The following ZNF592 variants were observed in gnomAD, a reference collection of about 807,000 sequenced individuals.
The protein encoded by ZNF592 is spinocerebellar ataxia, autosomal recessive 5.
ZNF592 carries 11 observed loss-of-function variants against 80.3 expected under a neutral mutation model. The observed-to-expected ratio is 0.14, with a 90% confidence interval of 0.09 to 0.23. The LOEUF (loss-of-function observed/expected upper bound fraction) is 0.23, where lower values mean the gene tolerates loss of function less well. Among genes scored for constraint, ZNF592 ranks in the 10% least tolerant of loss-of-function variants. The probability of loss-of-function intolerance (pLI) is 1.00; values close to 1 mark genes in which losing one functional copy is unlikely to be tolerated. For synonymous variants in ZNF592, 646 were observed against 640.3 expected (o/e 1.01, Z -0.13); for missense variants, 1,420 against 1,633.9 (o/e 0.87, Z 2.26).
At position 84,783,276 on chromosome 15, in the gene ZNF592, T is replaced by G; in HGVS notation, c.601T>G (p.Cys201Gly). The change falls in exon 4 of 11, where the codon TGT becomes GGT. Residue 201 changes from cysteine (C) to glycine (G), a missense_variant. Cys to Gly is a radical substitution (Grantham distance 159, BLOSUM62 -3). Transcript: ENST00000560079. This position sits in a 1 kb window ranked among gnomAD's most constrained non-coding sequence, Gnocchi z 5.0. ...AGAGCTGCATATGTTTGATCATTTT[T>G]GTAAGAAAGAACCCAAGCCAGAACC... ...VPELHMFDHF[C>G]KKEPKPEPLP... is the part of the protein sequence containing the mutation. 1 of 1,614,196 alleles carries G rather than the reference T, an allele frequency of 6.2e-7. No homozygotes were observed. The highest frequency in any genetic ancestry group is 1.1e-5 in the South Asian group (1 of 91,082).
intron 1 of ZNF592, among the ~76,000 whole-genome samples, chr15:84,750,746 A>G (rs964120923): frequency 1.3e-5 from 2 of 152,104 alleles, no homozygotes; most frequent in African/African-American, 2.4e-5. Flanking sequence ...CCAAGATCTG[A>G]AGGAGGGTTA....
At chr15:84,753,629 C>G (rs1899078635) in intron 1 of ZNF592, 1 of 152,164 alleles carries the variant, frequency 6.6e-6, no homozygotes, top group African/African-American at 2.4e-5. Flanking sequence ...TGCGCCACCA[C>G]ACCCAGCTAA....
At chr15:84,801,373 A>T (rs764995812) in intron 10 of ZNF592, among the ~76,000 whole-genome samples, 17 of 152,076 alleles carry the variant, frequency 1.1e-4, no homozygotes, top group Non-Finnish European at 1.9e-4. Flanking sequence ...GGTGATGTTC[A>T]CTTGTAGTCC....
chr15:84,783,310 T>C lies in ZNF592; in HGVS notation c.635T>C (p.Leu212Ser), dbSNP rs1178965466. Reference protein sequence around the residue: ...KKEPKPEPLPLGSQQEHEQSG... With the variant: ...KKEPKPEPLPSGSQQEHEQSG... The stretch of plus-strand genomic sequence containing the variant: ...GAACCCAAGCCAGAACCCCTGCCCT[T>C]GGGGAGCCAGCAGGAACACGAGCAA... Residue 212 changes from leucine to serine, a missense_variant, in exon 4 of 11, where the codon TTG (leucine) becomes TCG (serine). Coordinates refer to ENST00000560079, the MANE Select transcript of ZNF592 (RefSeq NM_014630.3). The surrounding 1 kb of genome is among the most constrained non-coding windows in gnomAD (Gnocchi z 5.0). 1.9e-6 allele frequency: 3 copies of C among 1,614,202 alleles called. No individual in the cohort carries two copies. Among genetic ancestry groups the C allele is most frequent in the South Asian group, 2.2e-5 (2 of 91,086 alleles).
At position 84,804,708 on chromosome 15, in the gene ZNF592, G is replaced by T. The variant is rs1175213227; in HGVS notation, c.*2315G>T. On this transcript the variant is annotated 3_prime_UTR_variant, in exon 11 of 11. Coordinates refer to ENST00000560079, the MANE Select transcript of ZNF592 (RefSeq NM_014630.3). ...TTTACTTGACCTTAGGGCATGGAGG[G>T]TGGAGCACATTTTGTCTGCTGTTTG... 6.6e-6 allele frequency: 1 copy of T among 152,246 alleles called. No homozygotes were observed. The highest frequency in any genetic ancestry group is 1.5e-5 in the Non-Finnish European group (1 of 68,060). The allele number at this position is 152,246 out of a possible 1,614,324, so 9.4% of individuals were successfully genotyped here.
At chr15:84,749,411 T>C (rs1412233861) in intron 1 of ZNF592, among the ~76,000 whole-genome samples, 1 of 152,168 alleles carries the variant, frequency 6.6e-6, no homozygotes, top group Non-Finnish European at 1.5e-5. Flanking sequence ...CCGTATGACC[T>C]TAGGTATGCC....
At position 84,798,144 on chromosome 15, in the gene ZNF592, A is replaced by C; in HGVS notation, c.2576+99A>C. On this transcript the variant is annotated intron_variant, in intron 6 of 10. Coordinates refer to ENST00000560079, the MANE Select transcript of ZNF592 (RefSeq NM_014630.3). The surrounding 1 kb of genome is among the most constrained non-coding windows in gnomAD (Gnocchi z 4.5). ...AGGGATGGGTGAGGGAGCTGGGGTT[A>C]GTGGCAGAGGTGCCTGGGGTCGTAC... is the stretch of plus-strand genomic sequence containing the variant. 1.3e-6 allele frequency: 2 copies of C among 1,572,036 alleles called. No individual in the cohort carries two copies. Among genetic ancestry groups the C allele is most frequent in the South Asian group, 1.1e-5 (1 of 89,560 alleles).
chr15:84,772,962 A>C (rs1010980572), intron 2 of ZNF592, among the ~76,000 whole-genome samples: 1 of 152,206 alleles, frequency 6.6e-6, no homozygotes, highest in Non-Finnish European at 1.5e-5. Flanking sequence ...TTGCTGAGGT[A>C]ACAGATGGCA....
At chr15:84,756,225 T>A (rs1899165625) in intron 1 of ZNF592, among the ~76,000 whole-genome samples, 1 of 152,230 alleles carries the variant, frequency 6.6e-6, no homozygotes, top group African/African-American at 2.4e-5. Flanking sequence ...GGAGGGCTGC[T>A]CCTTACAGCT....
intron 5 of ZNF592, among the ~76,000 whole-genome samples, chr15:84,795,162 C>G (rs1275745773): frequency 6.6e-6 from 1 of 151,594 alleles, no homozygotes; most frequent in Non-Finnish European, 1.5e-5. Flanking sequence ...TTATTCTGTT[C>G]TTTATTAATA....
chr15:84,799,851 A>G lies in ZNF592; in HGVS notation c.3147A>G (p.Thr1049=). The G allele has an allele frequency of 1.2e-6, 2 of 1,614,146 alleles. No individual in the cohort carries two copies. The highest frequency in any genetic ancestry group is 8.5e-7 in the Non-Finnish European group (1 of 1,180,036). Residue 1049 remains threonine, a synonymous_variant, in exon 10 of 11, where the codon ACA becomes ACG. Coordinates refer to ENST00000560079, the MANE Select transcript of ZNF592 (RefSeq NM_014630.3). The surrounding 1 kb of genome is among the most constrained non-coding windows in gnomAD (Gnocchi z 4.2). Reference sequence around the variant, plus strand: ...CGCTGTGCTTCTGCAGGTACTGCACAGAGGACAGCCCCAGCTTTCCTCGGC... The same window carrying G: ...CGCTGTGCTTCTGCAGGTACTGCACGGAGGACAGCCCCAGCTTTCCTCGGC... ...VKKFYTCGYC[T]EDSPSFPRPS...
chr15:84,798,834 C>T lies in ZNF592; in HGVS notation c.2983C>T (p.Arg995Trp), dbSNP rs373341024. ...GGAGTGCCAGGAGTGGGTTCCAGAT[C>T]GGGAGAGCTACGTGTCCCACATGAA... ...CQECQEWVPD[R>W]ESYVSHMKKS... is the part of the protein sequence containing the mutation. The change falls in exon 8 of 11, where the codon CGG becomes TGG. Residue 995 changes from arginine to tryptophan, a missense_variant. By Grantham distance (101) the Arg-to-Trp change is moderately radical. Around this residue, in one of 7 missense-constraint regions of ZNF592, gnomAD observed 331 missense variants for 347.0 expected, o/e 0.95. Coordinates refer to ENST00000560079, the MANE Select transcript of ZNF592 (RefSeq NM_014630.3). This position sits in a 1 kb window ranked among gnomAD's most constrained non-coding sequence, Gnocchi z 4.5. The T allele has an allele frequency of 3.8e-6, 6 of 1,599,548 alleles. No homozygotes were observed. The highest frequency in any genetic ancestry group is 2.7e-5 in the African/African-American group (2 of 74,890).
chr15:84,767,653 G>A lies in ZNF592; in HGVS notation c.-150+2838G>A, dbSNP rs571984927. Reference sequence around the variant, plus strand: ...AAATTGTCAGCTCTGTGTAAACTGTGCTTGCTGCCTATGCCTAGTTTCTGC... The same window carrying A: ...AAATTGTCAGCTCTGTGTAAACTGTACTTGCTGCCTATGCCTAGTTTCTGC... On this transcript the variant is annotated intron_variant, in intron 2 of 10. Coordinates refer to ENST00000560079, the MANE Select transcript of ZNF592 (RefSeq NM_014630.3). Among the ~76,000 whole-genome samples, 40 of 152,106 alleles carry A rather than the reference G, an allele frequency of 2.6e-4. 1 individual carries two copies. The South Asian group carries it at 5.8e-3, about 22-fold the overall frequency.
chr15:84,763,112 G>C (rs918400169), intron 1 of ZNF592, among the ~76,000 whole-genome samples: 5 of 152,214 alleles, frequency 3.3e-5, no homozygotes, highest in African/African-American at 7.2e-5. Flanking sequence ...TGACCTGCTG[G>C]TTTGGAGTCC....
intron 1 of ZNF592, 82 bp from the exon 2 acceptor site, chr15:84,764,625 G>A: frequency 2.5e-6 from 1 of 395,088 alleles, no homozygotes. Context: ...ATTATTATTA[G>A]TTTTTTTAAA....
intron 4 of ZNF592, among the ~76,000 whole-genome samples, chr15:84,786,445 T>A (rs1962587267): frequency 6.6e-6 from 1 of 152,042 alleles, no homozygotes. Flanking sequence ...AGCAAAGGAA[T>A]ATGAGAGTGC....
At chr15:84,766,916 G>T (rs1271713745) in intron 2 of ZNF592, among the ~76,000 whole-genome samples, 2 of 152,076 alleles carry the variant, frequency 1.3e-5, no homozygotes, top group Non-Finnish European at 2.9e-5. Flanking sequence ...GGAACTGTAG[G>T]TTGTCTGTGG....
chr15:84,791,901 A>G (rs996115301), intron 5 of ZNF592, among the ~76,000 whole-genome samples: 2 of 152,236 alleles, frequency 1.3e-5, no homozygotes, highest in Non-Finnish European at 2.9e-5. Flanking sequence ...GTGGGGAGAA[A>G]TGAGACTAGG....
At chr15:84,782,390 C>A (rs1325544547) in intron 3 of ZNF592, among the ~76,000 whole-genome samples, 2 of 152,076 alleles carry the variant, frequency 1.3e-5, no homozygotes, top group African/African-American at 4.8e-5. Flanking sequence ...TTTGTAATAA[C>A]CAGCCACCAA....
Sources: gnomAD v4.1 joint callset for allele counts (sites outside exome capture counted in the v4.1 genomes callset) on GRCh38, gnomAD v4.1.1 for gene constraint, gnomAD v4.1.1 regional missense constraint, Gnocchi (gnomAD v3.1) non-coding constraint, MANE v1.5 for transcripts, NCBI Gene and HGNC (gene_info 2026-07-23, HGNC 2026-07-21) for gene names.